Variants in DDX50 observed in about 807,000 individuals in gnomAD.
The protein encoded by DDX50 is ATP-dependent RNA helicase DDX50.
In DDX50, 56 loss-of-function variants were observed where a neutral mutation model predicts 94.8. That is an observed-to-expected ratio of 0.59 (90% confidence interval 0.48 to 0.74). The LOEUF (loss-of-function observed/expected upper bound fraction) is 0.74, where lower values mean the gene tolerates loss of function less well. Ranked by LOEUF, DDX50 falls within the 30% of genes least tolerant of loss-of-function variation. The probability of loss-of-function intolerance (pLI) is 0.00; values close to 1 mark genes in which losing one functional copy is unlikely to be tolerated. For synonymous variants in DDX50, 264 were observed against 295.4 expected (o/e 0.89, Z 1.09); for missense variants, 713 against 881.2 (o/e 0.81, Z 2.42).
rs543683361 is a variant in DDX50 at position 68,908,264 on chromosome 10, C to T, written c.384+1257C>T. The stretch of plus-strand genomic sequence containing the variant: ...TCAGGAGTTCCAAGACCAGCCTGAC[C>T]GACATGGTGAAACCTGTCTCTACTA... On this transcript the variant is annotated intron_variant, in intron 2 of 14. Coordinates refer to ENST00000373585, the MANE Select transcript of DDX50 (RefSeq NM_024045.2). Among the ~76,000 whole-genome samples, 23 of 151,976 alleles carry T rather than the reference C, an allele frequency of 1.5e-4. No homozygotes were observed. In the East Asian group the frequency reaches 3.7e-3, roughly 24 times the overall value.
At chr10:68,932,058 A>G (rs924760249) in intron 8 of DDX50, among the ~76,000 whole-genome samples, 1 of 152,056 alleles carries the variant, frequency 6.6e-6, no homozygotes, top group Non-Finnish European at 1.5e-5. Flanking sequence ...TTCCTGTAAC[A>G]CTCTGAACCT....
intron 8 of DDX50, among the ~76,000 whole-genome samples, chr10:68,929,895 G>T (rs1369584597): frequency 6.6e-6 from 1 of 151,614 alleles, no homozygotes; most frequent in African/African-American, 2.4e-5. Context: ...ACCATACCCG[G>T]CTAATTTTTG....
In DDX50 at chr10:68,934,936, A is replaced by G. The variant is rs1224012348; in HGVS notation, c.1521+18A>G. ...AAAAAGCAGTAAGTAGAGTTAAATT[A>G]TTTCAGGCTTATTGTCTAAATGGTG... On this transcript the variant is annotated intron_variant, in intron 10 of 14. Coordinates refer to ENST00000373585, the MANE Select transcript of DDX50 (RefSeq NM_024045.2). This position sits in a 1 kb window ranked among gnomAD's most constrained non-coding sequence, Gnocchi z 4.0. The G allele has an allele frequency of 1.8e-5, 29 of 1,608,304 alleles. No individual in the cohort carries two copies. The highest frequency in any genetic ancestry group is 2.5e-5 in the Non-Finnish European group (29 of 1,177,768).
At chr10:68,943,336 C>A in intron 14 of DDX50, 79 bp downstream of exon 14, 1 of 1,182,412 alleles carries the variant, frequency 8.5e-7, no homozygotes, top group Non-Finnish European at 1.2e-6. Flanking sequence ...GAAACATAGT[C>A]ACAATGTCAT....
At chr10:68,926,943 T>TA (rs1564611511) in intron 8 of DDX50, among the ~76,000 whole-genome samples, 2 of 152,120 alleles carry the variant, frequency 1.3e-5, no homozygotes, top group Non-Finnish European at 2.9e-5. Context: ...GAGAGGGTCT[T>TA]ACTCCGTCGC....
chr10:68,937,020 T>C lies in DDX50; in HGVS notation c.1680T>C (p.Asp560=). ...TGATAGAAGAGAAAGGTGCAGTGGA[T>C]GCATTGGCTGCAGCTTTAGCCCACA... is the stretch of plus-strand genomic sequence containing the variant. ...QRLIEEKGAV[D]ALAAALAHIS... is the part of the protein sequence containing the mutation. The change falls in exon 12 of 15, where the codon GAT becomes GAC. Residue 560 remains aspartate (D), a synonymous_variant. Coordinates refer to ENST00000373585, the MANE Select transcript of DDX50 (RefSeq NM_024045.2). 1 of 1,612,714 alleles carries C rather than the reference T, an allele frequency of 6.2e-7. No individual in the cohort carries two copies. Among genetic ancestry groups the C allele is most frequent in the Non-Finnish European group, 8.5e-7 (1 of 1,179,954 alleles).
intron 10 of DDX50, 76 bp from the exon 11 acceptor site, chr10:68,935,930 G>C: frequency 1.1e-6 from 1 of 951,516 alleles, no homozygotes. Flanking sequence ...GAAATTCAAC[G>C]AACTATTAAA....
At chr10:68,929,128 GT>G (rs1462520145) in intron 8 of DDX50, among the ~76,000 whole-genome samples, 1 of 151,830 alleles carries the variant, frequency 6.6e-6, no homozygotes, top group East Asian at 1.9e-4. Context: ...TGTATTTTTA[GT>G]GGAGAGGGGG....
intron 2 of DDX50, among the ~76,000 whole-genome samples, chr10:68,907,848 G>A (rs188852056): frequency 7.9e-5 from 12 of 151,814 alleles, no homozygotes; most frequent in Admixed American, 5.9e-4. Context: ...TTCTCACTTT[G>A]GTGGGATTTT....
chr10:68,915,598 C>G (rs538019877), intron 7 of DDX50, among the ~76,000 whole-genome samples: 2 of 151,370 alleles, frequency 1.3e-5, no homozygotes, highest in African/African-American at 4.9e-5. Context: ...CACCTGTAAT[C>G]CCAGCTACTT....
Position 68,934,111 on chromosome 10 carries a change from A to T in DDX50, c.1240-88A>T, listed in dbSNP as rs892838107. ...AATCATCAAAGTAAGATTTAAAAAC[A>T]TGCAAAAGGAGCACAGACTAGATGT... is the stretch of plus-strand genomic sequence containing the variant. On this transcript the variant is annotated intron_variant, in intron 8 of 14. Transcript: ENST00000373585. The surrounding 1 kb of genome is among the most constrained non-coding windows in gnomAD (Gnocchi z 4.0). 35 of 1,313,796 alleles carry T rather than the reference A, an allele frequency of 2.7e-5. No homozygotes were observed. The East Asian group carries it at 8.9e-4, about 33-fold the overall frequency. The allele number at this position is 1,313,796 out of a possible 1,614,324, so 81.4% of individuals were successfully genotyped here. A position where few individuals can be genotyped will look rare whatever the true frequency, so the allele number is the denominator to read the frequency against.
intron 12 of DDX50, 145 bp from the exon 13 acceptor site, chr10:68,940,912 TGTA>T (rs1452857506): frequency 8.3e-6 from 7 of 842,922 alleles, no homozygotes; most frequent in Admixed American, 3.3e-5. Flanking sequence ...CTTCTAATAA[TGTA>T]GTTTCAAAAA....
intron 2 of DDX50, among the ~76,000 whole-genome samples, chr10:68,908,985 T>G (rs960477941): frequency 6.6e-6 from 1 of 151,914 alleles, no homozygotes; most frequent in African/African-American, 2.4e-5. Context: ...ATTGTTTATT[T>G]TTGTTTGTTT....
In DDX50 at chr10:68,913,499, T is replaced by G; in HGVS notation, c.866T>G (p.Leu289Arg). The change falls in exon 6 of 15, where the codon CTT becomes CGT. Residue 289 changes from leucine (L) to arginine (R), a missense_variant. Physicochemically the swap from Leu to Arg is moderately radical, Grantham distance 102 (BLOSUM62 -2). This residue lies in a region of DDX50 where 428 missense variants were observed against 602.3 expected (regional missense o/e 0.71). Transcript: ENST00000373585. ...LDLSKLRHVV[L>R]DEVDQMLDLG... Reference sequence around the variant, plus strand: ...CTTTCTAAACTGCGACATGTTGTGCTTGATGAAGTGGATCAGATGTTAGAT... The same window carrying G: ...CTTTCTAAACTGCGACATGTTGTGCGTGATGAAGTGGATCAGATGTTAGAT... 6.2e-7 allele frequency: 1 copy of G among 1,614,158 alleles called. No homozygotes were observed. The highest frequency in any genetic ancestry group is 8.5e-7 in the Non-Finnish European group (1 of 1,180,016).
chr10:68,946,469 G>C lies in DDX50; in HGVS notation c.2053G>C (p.Gly685Arg), dbSNP rs202058970. 2.4e-4 allele frequency: 387 copies of C among 1,614,074 alleles called. No individual in the cohort carries two copies. The highest frequency in any genetic ancestry group is 3.1e-4 in the Non-Finnish European group (361 of 1,180,046). The change falls in exon 15 of 15, where the codon GGT becomes CGT. Residue 685 changes from glycine to arginine, a missense_variant. By Grantham distance (125) the Gly-to-Arg change is moderately radical (BLOSUM62 -2). This residue lies in a region of DDX50 where 428 missense variants were observed against 602.3 expected (regional missense o/e 0.71). Transcript: ENST00000373585. The part of the protein sequence containing the change: ...NSRQRSGWSS[G>R]RSGRSGRSGG... ...CAGACAGAGGAGTGGCTGGTCAAGT[G>C]GTCGATCAGGCCGGTCAGGCCGGTC...
At chr10:68,927,062 G>T (rs1194643503) in intron 8 of DDX50, among the ~76,000 whole-genome samples, 1 of 151,992 alleles carries the variant, frequency 6.6e-6, no homozygotes, top group Non-Finnish European at 1.5e-5. Context: ...ACAGGCATGC[G>T]CCACCACACC....
At chr10:68,915,673 G>A (rs11595221) in intron 7 of DDX50, among the ~76,000 whole-genome samples, 10,036 of 150,098 alleles carry the variant, frequency 0.067, 479 homozygotes, top group Non-Finnish European at 0.096. Context: ...CCAAGATCGT[G>A]CCACTGCACT....
chr10:68,932,614 G>A (rs959236109), intron 8 of DDX50, among the ~76,000 whole-genome samples: 1 of 152,126 alleles, frequency 6.6e-6, no homozygotes, highest in African/African-American at 2.4e-5. Flanking sequence ...ATACTAGGAA[G>A]TGTATTTATA....
chr10:68,935,013 CTT>C (rs1351810059), intron 10 of DDX50, 95 bp downstream of exon 10: 10 of 1,436,876 alleles, frequency 7.0e-6, no homozygotes, highest in Non-Finnish European at 9.2e-6. Context: ...GTCTTCATAA[CTT>C]TTCTCAGTTT....
Sources: allele counts gnomAD v4.1 joint callset (sites outside exome capture counted in the v4.1 genomes callset), GRCh38; gene constraint gnomAD v4.1.1; regional missense constraint gnomAD v4.1.1; non-coding constraint Gnocchi (gnomAD v3.1); transcripts MANE v1.5; gene names NCBI Gene and HGNC (gene_info 2026-07-23, HGNC 2026-07-21).